ARID1A: variants seen among roughly 807,000 people sequenced by gnomAD.
ARID1A encodes AT-rich interactive domain-containing protein 1A.
ARID1A carries 20 observed loss-of-function variants against 212.6 expected under a neutral mutation model. That is an observed-to-expected ratio of 0.09 (90% CI 0.07 to 0.14). The LOEUF (loss-of-function observed/expected upper bound fraction) is 0.14, where lower values mean the gene tolerates loss of function less well. Ranked by LOEUF, ARID1A falls within the 10% of genes least tolerant of loss-of-function variation. The probability of loss-of-function intolerance (pLI) is 1.00; values close to 1 mark genes in which losing one functional copy is unlikely to be tolerated. For missense variants in ARID1A, 2,587 were observed against 3,059.0 expected, an observed-to-expected ratio of 0.85 and a Z score of 3.64; for synonymous variants, 1,376 against 1,222.1, an observed-to-expected ratio of 1.13 and a Z score of -2.63.
chr1:26,750,014 G>C (rs117992869), intron 4 of ARID1A, among the ~76,000 whole-genome samples: 2 of 152,296 alleles, frequency 1.3e-5, no homozygotes, highest in East Asian at 1.9e-4. Context: ...GCATCTTGTC[G>C]TTTGTGTGTC....
intron 1 of ARID1A, among the ~76,000 whole-genome samples, chr1:26,715,309 T>TA (rs981936385): frequency 3.6e-4 from 55 of 152,314 alleles, no homozygotes; most frequent in African/African-American, 1.3e-3. Context: ...CACACCTGGG[T>TA]AAAGCTCTGT....
At chr1:26,712,122 A>G (rs2080460463) in intron 1 of ARID1A, among the ~76,000 whole-genome samples, 1 of 152,146 alleles carries the variant, frequency 6.6e-6, no homozygotes, top group Non-Finnish European at 1.5e-5. Context: ...GGTGGTCTCC[A>G]AGTATGGCCA....
intron 4 of ARID1A, among the ~76,000 whole-genome samples, chr1:26,748,608 C>CTTTTTTT (rs36087588): frequency 8.5e-6 from 1 of 117,728 alleles, no homozygotes; most frequent in African/African-American, 3.2e-5. Flanking sequence ...GACCCAGATT[C>CTTTTTTT]TTTTTTTTTT....
Position 26,760,822 on chromosome 1 carries a change from A to G in ARID1A, c.1921-34A>G, listed in dbSNP as rs772160815. On this transcript the variant is annotated intron_variant, in intron 4 of 19. Coordinates refer to ENST00000324856, the MANE Select transcript of ARID1A (RefSeq NM_006015.6). The stretch of plus-strand genomic sequence containing the variant: ...TGAAAGTAGAATCTTTCTGCCTAAT[A>G]TTACTAATCCATGTTCTTATATATA... 6 of 1,577,914 alleles carry G rather than the reference A, an allele frequency of 3.8e-6. 1 individual carries two copies. Among genetic ancestry groups the G allele is most frequent in the South Asian group, 3.4e-5 (3 of 89,460 alleles).
At chr1:26,758,686 G>C (rs909440130) in intron 4 of ARID1A, among the ~76,000 whole-genome samples, 13 of 152,092 alleles carry the variant, frequency 8.5e-5, no homozygotes, top group African/African-American at 2.9e-4. Context: ...TTAACATGGG[G>C]CTCTTCATAG....
intron 1 of ARID1A, among the ~76,000 whole-genome samples, chr1:26,705,033 G>A (rs2080375290): frequency 6.6e-6 from 1 of 152,160 alleles, no homozygotes; most frequent in Non-Finnish European, 1.5e-5. Context: ...AGGATCATCA[G>A]TGGATGCTTA....
rs2124154370 is a variant in ARID1A, at chr1:26,780,825, C to T, written c.*69C>T. ...GGAGAACTTAGAAACTGACTGTTGC[C>T]CTTTATTTATGCAAAACCACCTCAG... is the stretch of plus-strand genomic sequence containing the variant. On this transcript the variant is annotated 3_prime_UTR_variant, in exon 20 of 20. Coordinates refer to ENST00000324856, the MANE Select transcript of ARID1A (RefSeq NM_006015.6). This position sits in a 1 kb window ranked among gnomAD's most constrained non-coding sequence, Gnocchi z 7.2. The T allele has an allele frequency of 2.0e-6, 3 of 1,501,400 alleles. No homozygotes were observed. Among genetic ancestry groups the T allele is most frequent in the Non-Finnish European group, 2.7e-6 (3 of 1,127,152 alleles). 93.0% of individuals were successfully genotyped at this position (1,501,400 alleles called of 1,614,324 possible).
At chr1:26,743,785 C>CAAAA (rs777459329) in intron 4 of ARID1A, among the ~76,000 whole-genome samples, 5 of 74,688 alleles carry the variant, frequency 6.7e-5, no homozygotes, top group African/African-American at 2.4e-4. Context: ...TACTCCATCT[C>CAAAA]AAAAAAAAAA....
intron 1 of ARID1A, 106 bp downstream of exon 1, chr1:26,697,646 C>G (rs1056707609): frequency 1.8e-6 from 2 of 1,114,852 alleles, no homozygotes; most frequent in South Asian, 3.6e-5. Context: ...TCCCGGGCCC[C>G]CACTGCTGGG....
chr1:26,716,334 A>G (rs1306479772), intron 1 of ARID1A, among the ~76,000 whole-genome samples: 1 of 152,218 alleles, frequency 6.6e-6, no homozygotes, highest in Non-Finnish European at 1.5e-5. Context: ...CATAGGATTC[A>G]TAATTCCTGC....
At chr1:26,720,878 A>G (rs981400842) in intron 1 of ARID1A, among the ~76,000 whole-genome samples, 2 of 151,660 alleles carry the variant, frequency 1.3e-5, no homozygotes, top group Non-Finnish European at 2.9e-5. Context: ...CTCAAAAGAA[A>G]AAAAAAAAAA....
chr1:26,717,579 T>C (rs2080515401), intron 1 of ARID1A, among the ~76,000 whole-genome samples: 1 of 152,220 alleles, frequency 6.6e-6, no homozygotes, highest in African/African-American at 2.4e-5. Flanking sequence ...TCTACAAATT[T>C]CCAAGCTCTA....
At chr1:26,752,961 C>T (rs2080897967) in intron 4 of ARID1A, 1 of 152,146 alleles carries the variant, frequency 6.6e-6, no homozygotes, top group Non-Finnish European at 1.5e-5. Context: ...TGGGATTCCC[C>T]AAGGATTTAG....
At chr1:26,742,943 C>A (rs950068617) in intron 4 of ARID1A, among the ~76,000 whole-genome samples, 1 of 152,002 alleles carries the variant, frequency 6.6e-6, no homozygotes, top group African/African-American at 2.4e-5. Flanking sequence ...GCACTCCAGC[C>A]TATGTGACAG....
In ARID1A at chr1:26,731,257, T is replaced by C; in HGVS notation, c.1456T>C (p.Ser486Pro). The change falls in exon 3 of 20, where the codon TCC (serine) becomes CCC (proline). Residue 486 changes from serine (S) to proline (P), a missense_variant. Ser to Pro is a moderately conservative substitution (Grantham distance 74). This residue lies in a region of ARID1A where 674 missense variants were observed against 813.4 expected (regional missense o/e 0.83). Coordinates refer to ENST00000324856, the MANE Select transcript of ARID1A (RefSeq NM_006015.6). ...PHPQQQQPPY[S>P]QQPPSQTPHA... ...CCCTCAGCAGCAGCAGCCACCCTAC[T>C]CCCAGCAACCACCGTCCCAGACCCC... The C allele has an allele frequency of 6.2e-7, 1 of 1,613,452 alleles. No individual in the cohort carries two copies. The highest frequency in any genetic ancestry group is 8.5e-7 in the Non-Finnish European group (1 of 1,179,854).
At chr1:26,751,510 A>G (rs372679745) in intron 4 of ARID1A, among the ~76,000 whole-genome samples, 4 of 151,882 alleles carry the variant, frequency 2.6e-5, no homozygotes, top group African/African-American at 9.7e-5. Flanking sequence ...ATGGATTTGA[A>G]CCTCAGGTCT....
At position 26,779,666 on chromosome 1, in the gene ARID1A, C is replaced by T. The variant is rs2081172531; in HGVS notation, c.5768C>T (p.Thr1923Ile). ...TTGTCTACTCGGTCTAGCACCTTGACCGAGGATGGAGCTAAGAGTTCAGAG... is the reference window on the plus strand; with the variant it reads ...TTGTCTACTCGGTCTAGCACCTTGATCGAGGATGGAGCTAAGAGTTCAGAG... ...DMLSTRSSTL[T>I]EDGAKSSEAI... Residue 1923 changes from threonine to isoleucine, a missense_variant, in exon 20 of 20, where the codon ACC (threonine) becomes ATC (isoleucine). Physicochemically the swap from Thr to Ile is moderately conservative, Grantham distance 89. Transcript: ENST00000324856. 6.2e-7 allele frequency: 1 copy of T among 1,614,096 alleles called. No individual in the cohort carries two copies. Among genetic ancestry groups the T allele is most frequent in the South Asian group, 1.1e-5 (1 of 91,066 alleles).
At chr1:26,734,274 G>A (rs978686565) in intron 4 of ARID1A, among the ~76,000 whole-genome samples, 1 of 151,394 alleles carries the variant, frequency 6.6e-6, no homozygotes, top group Admixed American at 6.6e-5. Context: ...TGTCAGTGCT[G>A]TAAGTTGCTT....
At chr1:26,729,459 T>A in intron 1 of ARID1A, 192 bp from the exon 2 acceptor site, 1 of 642,494 alleles carries the variant, frequency 1.6e-6, no homozygotes, top group South Asian at 2.0e-5. Flanking sequence ...ATTTTCATTT[T>A]TCAAATGACA....
Sources: allele counts gnomAD v4.1 joint callset (sites outside exome capture counted in the v4.1 genomes callset), GRCh38; gene constraint gnomAD v4.1.1; regional missense constraint gnomAD v4.1.1; non-coding constraint Gnocchi (gnomAD v3.1); transcripts MANE v1.5; gene names NCBI Gene and HGNC (gene_info 2026-07-23, HGNC 2026-07-21).